SLC25A34: variants seen among roughly 807,000 people sequenced by gnomAD.
The protein encoded by SLC25A34 is solute carrier family 25 member 34.
In SLC25A34, 26 loss-of-function variants were observed where a neutral mutation model predicts 28.1. That is an observed-to-expected ratio of 0.93 (90% CI 0.68 to 1.28). The LOEUF (loss-of-function observed/expected upper bound fraction) is 1.28, where lower values mean the gene tolerates loss of function less well. Among genes scored for constraint, SLC25A34 ranks in the 50% most tolerant of loss-of-function variants. SLC25A34 has a pLI of 0.00. For synonymous variants in SLC25A34, 182 were observed against 182.2 expected (o/e 1.00, Z 0.01); for missense variants, 384 against 409.8 (o/e 0.94, Z 0.54).
At chr1:15,739,051 A>C in intron 4 of SLC25A34, 173 bp from the exon 5 acceptor site, 2 of 807,306 alleles carry the variant, frequency 2.5e-6, no homozygotes. Context: ...CAGAACTGGA[A>C]TTCAGGCCTG....
At chr1:15,738,389 T>TCAGAGTGTGGG in intron 3 of SLC25A34, 144 bp downstream of exon 3, 1 of 1,323,728 alleles carries the variant, frequency 7.6e-7, no homozygotes, top group South Asian at 1.5e-5. Flanking sequence ...CTCCGGCCCT[T>TCAGAGTGTGGG]GGTACCAGCA....
rs754157648 is a variant in SLC25A34, at chr1:15,739,443, C to G, written c.*37C>G. On this transcript the variant is annotated 3_prime_UTR_variant, in exon 5 of 5. Coordinates refer to ENST00000294454, the MANE Select transcript of SLC25A34 (RefSeq NM_207348.3). Reference sequence around the variant, plus strand: ...CACCCCCACGTCCTGACACGGCCGGCACTTGGCCGGAAGTGAGAGCCTGCT... The same window carrying G: ...CACCCCCACGTCCTGACACGGCCGGGACTTGGCCGGAAGTGAGAGCCTGCT... The G allele has an allele frequency of 6.7e-7, 1 of 1,486,382 alleles. No individual in the cohort carries two copies. The highest frequency in any genetic ancestry group is 1.4e-5 in the South Asian group (1 of 71,968). 92.1% of individuals were successfully genotyped at this position (1,486,382 alleles called of 1,614,324 possible).
chr1:15,738,452 A>C, intron 3 of SLC25A34, 142 bp from the exon 4 acceptor site: 1 of 1,330,670 alleles, frequency 7.5e-7, no homozygotes, highest in South Asian at 1.5e-5. Context: ...TCAGGGTGGC[A>C]GGGCTGGGGG....
intron 1 of SLC25A34, 66 bp from the exon 2 acceptor site, chr1:15,737,861 AAC>A (rs2068240182): frequency 1.3e-6 from 2 of 1,581,178 alleles, no homozygotes; most frequent in Non-Finnish European, 1.7e-6. Flanking sequence ...GGGCGCCCTC[AAC>A]ACACACAGCT....
At chr1:15,739,079 TG>T in intron 4 of SLC25A34, 144 bp from the exon 5 acceptor site, 1 of 1,057,738 alleles carries the variant, frequency 9.5e-7, no homozygotes, top group Non-Finnish European at 1.3e-6. Flanking sequence ...AGCCTTCCCA[TG>T]GCGCCGCAGC....
rs1283600348 is a variant in SLC25A34, at chr1:15,738,214, C to A, written c.566C>A (p.Ala189Asp). The A allele has an allele frequency of 2.5e-6, 4 of 1,603,670 alleles. No homozygotes were observed. The highest frequency in any genetic ancestry group is 2.2e-5 in the South Asian group (2 of 89,442). The change falls in exon 3 of 5, where the codon GCC becomes GAC. Residue 189 changes from alanine (A) to aspartate (D), a missense_variant. Ala to Asp is a moderately radical substitution (Grantham distance 126, BLOSUM62 -2). Transcript: ENST00000294454. ...VGSAAQLATF[A>D]SAKAWVQKQQ... The stretch of plus-strand genomic sequence containing the variant: ...TCAGCTGCCCAGCTGGCCACCTTCG[C>A]CTCTGCCAAGGCCTGGGTACAGAAG...
rs888200819 is a variant in SLC25A34 at position 15,741,154 on chromosome 1, C to A, written c.*1748C>A. 6.6e-6 allele frequency: 1 copy of A among 152,534 alleles called. No homozygotes were observed. Among genetic ancestry groups the A allele is most frequent in the African/African-American group, 2.4e-5 (1 of 41,456 alleles). 9.4% of individuals were successfully genotyped at this position (152,534 alleles called of 1,614,324 possible). A position where few individuals can be genotyped will look rare whatever the true frequency, so the allele number is the denominator to read the frequency against. On this transcript the variant is annotated 3_prime_UTR_variant, in exon 5 of 5. Transcript: ENST00000294454. ...GGAAAGGGAAGCGACGTGGCAGGGC[C>A]AGCAGCAGACCCTGGGCCTTTCTCT...
In SLC25A34 at chr1:15,738,653, C is replaced by T. The variant is rs762271929; in HGVS notation, c.657C>T (p.Ala219=). 15 of 1,609,034 alleles carry T rather than the reference C, an allele frequency of 9.3e-6. No homozygotes were observed. In the African/African-American group the frequency reaches 9.4e-5, roughly 10 times the overall value. The change falls in exon 4 of 5, where the codon GCC becomes GCT. Residue 219 remains alanine, a synonymous_variant. Transcript: ENST00000294454. The part of the protein sequence containing the change: ...ALAGGMISSI[A]VVVVMTPFDV... The stretch of plus-strand genomic sequence containing the variant: ...CTGGGGGCATGATCAGCAGCATAGC[C>T]GTGGTTGTCGTCATGACTCCCTTCG...
chr1:15,739,540 A>T lies in SLC25A34; in HGVS notation c.*134A>T. On this transcript the variant is annotated 3_prime_UTR_variant, in exon 5 of 5. Coordinates refer to ENST00000294454, the MANE Select transcript of SLC25A34 (RefSeq NM_207348.3). ...CCAGAGGTCCCGGGAGAGTGTGGAC[A>T]GCTCTGGTCCATCCAGCCCCTTGGC... 2 of 1,074,782 alleles carry T rather than the reference A, an allele frequency of 1.9e-6. No individual in the cohort carries two copies. Among genetic ancestry groups the T allele is most frequent in the Non-Finnish European group, 2.5e-6 (2 of 791,208 alleles). 66.6% of individuals were successfully genotyped at this position (1,074,782 alleles called of 1,614,324 possible). A position where few individuals can be genotyped will look rare whatever the true frequency, so the allele number is the denominator to read the frequency against.
At position 15,736,372 on chromosome 1, in the gene SLC25A34, C is replaced by T. The variant is rs2068222321; in HGVS notation, c.-114C>T. ...TACCCTCTAGACATGGCCTCGGTCC[C>T]CTGCAAACCCCAGCCCCGTAGCCCT... On this transcript the variant is annotated 5_prime_UTR_variant, in exon 1 of 5. Transcript: ENST00000294454. 1 of 1,205,288 alleles carries T rather than the reference C, an allele frequency of 8.3e-7. No individual in the cohort carries two copies. Among genetic ancestry groups the T allele is most frequent in the African/African-American group, 1.6e-5 (1 of 63,254 alleles). The allele number at this position is 1,205,288 out of a possible 1,614,324, so 74.7% of individuals were successfully genotyped here.
chr1:15,736,472 C>T lies in SLC25A34; in HGVS notation c.-14C>T. 7.0e-7 allele frequency: 1 copy of T among 1,435,932 alleles called. No individual in the cohort carries two copies. The allele number at this position is 1,435,932 out of a possible 1,614,324, so 88.9% of individuals were successfully genotyped here. A position where few individuals can be genotyped will look rare whatever the true frequency, so the allele number is the denominator to read the frequency against. On this transcript the variant is annotated 5_prime_UTR_variant, in exon 1 of 5. Coordinates refer to ENST00000294454, the MANE Select transcript of SLC25A34 (RefSeq NM_207348.3). ...CCCCTGACCCGGGCACAGAAGGCCA[C>T]TGGCCCGGAGGCCATGGAGACGGTG...
At chr1:15,738,406 T>C (rs1039116548) in intron 3 of SLC25A34, among the ~76,000 whole-genome samples, 161 bp downstream of exon 3, 2 of 152,158 alleles carry the variant, frequency 1.3e-5, no homozygotes, top group Non-Finnish European at 2.9e-5. Context: ...AGCAGGAGTG[T>C]GGGGTCAGCA....
chr1:15,737,171 G>A (rs980884603), intron 1 of SLC25A34, among the ~76,000 whole-genome samples: 1 of 152,214 alleles, frequency 6.6e-6, no homozygotes, highest in Non-Finnish European at 1.5e-5. Context: ...CCTCATGTAC[G>A]ATAAGAATAA....
chr1:15,736,658 C>T lies in SLC25A34; in HGVS notation c.173C>T (p.Ala58Val). ...TACCATGGCTTCATAGCCTCTGTCG[C>T]TGCTGTGGCCCGAGCAGACGGGCTG... ...RPYHGFIASV[A>V]AVARADGLWG... Residue 58 changes from alanine (A) to valine (V), a missense_variant, in exon 1 of 5, where the codon GCT becomes GTT. Ala to Val is a moderately conservative substitution (Grantham distance 64). Coordinates refer to ENST00000294454, the MANE Select transcript of SLC25A34 (RefSeq NM_207348.3). 6.3e-7 allele frequency: 1 copy of T among 1,597,332 alleles called. No individual in the cohort carries two copies. Among genetic ancestry groups the T allele is most frequent in the Non-Finnish European group, 8.5e-7 (1 of 1,172,996 alleles).
chr1:15,738,271 T>C (rs748449853), intron 3 of SLC25A34, 26 bp downstream of exon 3: 32 of 1,570,798 alleles, frequency 2.0e-5, no homozygotes, highest in Non-Finnish European at 2.6e-5. Context: ...CACCTGTGCC[T>C]ATCCACAGAG....
intron 4 of SLC25A34, 106 bp from the exon 5 acceptor site, chr1:15,739,118 C>T: frequency 7.3e-7 from 1 of 1,378,012 alleles, no homozygotes; most frequent in Non-Finnish European, 9.9e-7. Context: ...TACAAAGGTG[C>T]TGTCCATAGG....
At chr1:15,737,808 G>A (rs1304484059) in intron 1 of SLC25A34, 121 bp from the exon 2 acceptor site, 6 of 1,111,160 alleles carry the variant, frequency 5.4e-6, no homozygotes, top group Non-Finnish European at 6.6e-6. Flanking sequence ...CTAAGCTTCA[G>A]GCTCGGGACC....
intron 4 of SLC25A34, 32 bp from the exon 5 acceptor site, chr1:15,739,192 T>C (rs1420247665): frequency 1.9e-6 from 3 of 1,600,750 alleles, no homozygotes; most frequent in Non-Finnish European, 2.6e-6. Flanking sequence ...TCAAGGCCCC[T>C]GTAGTAACAC....
intron 4 of SLC25A34, 78 bp from the exon 5 acceptor site, chr1:15,739,146 T>A (rs2068255795): frequency 2.5e-5 from 39 of 1,533,182 alleles, no homozygotes; most frequent in Non-Finnish European, 3.5e-5. Context: ...GGGGTGAAAT[T>A]GACCCGTGTG....
Sources: allele counts gnomAD v4.1 joint callset (sites outside exome capture counted in the v4.1 genomes callset), GRCh38; gene constraint gnomAD v4.1.1; transcripts MANE v1.5; gene names NCBI Gene and HGNC (gene_info 2026-07-23, HGNC 2026-07-21).